Variants in FOXK2 observed in about 807,000 individuals in gnomAD.
FOXK2 encodes the protein forkhead box K2.
Under a neutral mutation model 53.3 loss-of-function variants are expected in FOXK2, and 24 were observed. That is an observed-to-expected ratio of 0.45 (90% CI 0.33 to 0.63). The LOEUF is 0.63. Ranked by LOEUF, FOXK2 falls within the 30% of genes least tolerant of loss-of-function variation. The pLI, the probability that FOXK2 is intolerant of heterozygous loss-of-function variation, is 0.03. For missense variants in FOXK2, 952 were observed against 910.5 expected (o/e 1.05, Z -0.59); for synonymous variants, 505 against 407.1 (o/e 1.24, Z -2.89).
rs1414650491 is a variant in FOXK2 at position 82,586,112 on chromosome 17, C to A, written c.1488C>A (p.Val496=). 5.6e-6 allele frequency: 9 copies of A among 1,612,674 alleles called. No homozygotes were observed. Among genetic ancestry groups the A allele is most frequent in the Non-Finnish European group, 6.8e-6 (8 of 1,179,944 alleles). ...AGLAPANTYT[V]SGQAVVTPAA... ...TGGCCCCAGCGAACACGTACACTGT[C>A]TCTGGACAAGCTGTGGTCACCCCGG... is the stretch of plus-strand genomic sequence containing the variant. Residue 496 remains valine, a synonymous_variant, in exon 7 of 9, where the codon GTC becomes GTA. Transcript: ENST00000335255.
chr17:82,588,933 C>A (rs981745667), intron 8 of FOXK2, among the ~76,000 whole-genome samples: 1 of 149,178 alleles, frequency 6.7e-6, no homozygotes, highest in African/African-American at 2.5e-5. Flanking sequence ...GTGGCGGGTG[C>A]CTGTAGTTGT....
intron 1 of FOXK2, among the ~76,000 whole-genome samples, chr17:82,541,618 C>T (rs150834116): frequency 6.6e-6 from 1 of 152,074 alleles, no homozygotes; most frequent in African/African-American, 2.4e-5. Flanking sequence ...ACTTGTGTGA[C>T]AATCAGATAT....
At chr17:82,547,097 GAGAA>G (rs948877063) in intron 1 of FOXK2, among the ~76,000 whole-genome samples, 8 of 151,200 alleles carry the variant, frequency 5.3e-5, no homozygotes, top group Non-Finnish European at 1.0e-4. Context: ...AAAAAGGAAG[GAGAA>G]AGAAAGAAAG....
chr17:82,575,583 AG>A (rs2044972869), intron 4 of FOXK2, among the ~76,000 whole-genome samples: 1 of 152,226 alleles, frequency 6.6e-6, no homozygotes, highest in African/African-American at 2.4e-5. Flanking sequence ...AGAGACTTCT[AG>A]AAACAGTGGG....
intron 1 of FOXK2, among the ~76,000 whole-genome samples, chr17:82,528,729 G>C (rs899481129): frequency 5.7e-4 from 87 of 152,332 alleles, no homozygotes; most frequent in African/African-American, 2.0e-3. Flanking sequence ...TCAGTTTAGA[G>C]TGCACATTGG....
At chr17:82,540,166 G>C (rs934558266) in intron 1 of FOXK2, among the ~76,000 whole-genome samples, 1 of 151,506 alleles carries the variant, frequency 6.6e-6, no homozygotes, top group Non-Finnish European at 1.5e-5. Context: ...CTGTAATCCT[G>C]GCTACTTGGG....
intron 8 of FOXK2, chr17:82,588,467 TGGCGGTTGGAGGGCA>T (rs1275949006): frequency 4.4e-4 from 49 of 110,392 alleles, no homozygotes; most frequent in East Asian, 1.2e-3. Context: ...GTTGGAGGGC[TGGCGGTTGGAGGGCA>T]GGCGGTTGGA....
chr17:82,596,333 G>A lies in FOXK2; in HGVS notation c.1787-4970G>A, dbSNP rs1435677706. The A allele has an allele frequency of 1.7e-5, 9 of 532,938 alleles. 1 individual carries two copies. The South Asian group carries it at 2.4e-4, about 14-fold the overall frequency. The allele number at this position is 532,938 out of a possible 1,614,324, so 33.0% of individuals were successfully genotyped here. A position where few individuals can be genotyped will look rare whatever the true frequency, so the allele number is the denominator to read the frequency against. ...GGTGGCTGCTTGTTCCCTTCTCATC[G>A]TTCCTGCTGTGTTTTCCATGCTTGG... is the stretch of plus-strand genomic sequence containing the variant. On this transcript the variant is annotated intron_variant, in intron 8 of 8. Transcript: ENST00000335255.
intron 1 of FOXK2, among the ~76,000 whole-genome samples, chr17:82,545,801 A>C (rs765058006): frequency 2.0e-5 from 3 of 151,668 alleles, no homozygotes; most frequent in Non-Finnish European, 4.4e-5. Flanking sequence ...AGGCTGGTCT[A>C]GAACTCCTGA....
chr17:82,598,388 C>G (rs1370717618), intron 8 of FOXK2, among the ~76,000 whole-genome samples: 1 of 152,202 alleles, frequency 6.6e-6, no homozygotes, highest in South Asian at 2.1e-4. Flanking sequence ...TGTGCCTGGC[C>G]TACGCCTCTT....
At chr17:82,528,105 G>C (rs2044436659) in intron 1 of FOXK2, among the ~76,000 whole-genome samples, 1 of 152,160 alleles carries the variant, frequency 6.6e-6, no homozygotes, top group African/African-American at 2.4e-5. Context: ...GCCTATACAT[G>C]TTTTCAAGTG....
chr17:82,582,695 C>G, intron 4 of FOXK2, 46 bp from the exon 5 acceptor site: 1 of 1,458,410 alleles, frequency 6.9e-7, no homozygotes, highest in Non-Finnish European at 9.2e-7. Flanking sequence ...TTTTATTTCT[C>G]AGCAAATAAA....
rs890603948 is a variant in FOXK2, at chr17:82,603,218, C to T, written c.*1719C>T. On this transcript the variant is annotated 3_prime_UTR_variant, in exon 9 of 9. Transcript: ENST00000335255. ...GACCGTGTGTGTGACCGCAGCAAAG[C>T]GCAGCGTGTGGATGGATCAGAGCCC... The T allele has an allele frequency of 6.6e-5, 10 of 152,268 alleles. No individual in the cohort carries two copies. The highest frequency in any genetic ancestry group is 3.3e-4 in the Admixed American group (5 of 15,284). The allele number at this position is 152,268 out of a possible 1,614,324, so 9.4% of individuals were successfully genotyped here. A position where few individuals can be genotyped will look rare whatever the true frequency, so the allele number is the denominator to read the frequency against.
In FOXK2 at chr17:82,603,198, T is replaced by C. The variant is rs2045406815; in HGVS notation, c.*1699T>C. On this transcript the variant is annotated 3_prime_UTR_variant, in exon 9 of 9. Coordinates refer to ENST00000335255, the MANE Select transcript of FOXK2 (RefSeq NM_004514.4). ...CAAAACCATCACGTGACTGAGACCG[T>C]GTGTGTGACCGCAGCAAAGCGCAGC... is the stretch of plus-strand genomic sequence containing the variant. The C allele has an allele frequency of 6.6e-6, 1 of 152,220 alleles. No individual in the cohort carries two copies. Among genetic ancestry groups the C allele is most frequent in the Non-Finnish European group, 1.5e-5 (1 of 68,032 alleles). The allele number at this position is 152,220 out of a possible 1,614,324, so 9.4% of individuals were successfully genotyped here.
At chr17:82,561,068 A>G (rs2044788136) in intron 1 of FOXK2, among the ~76,000 whole-genome samples, 1 of 152,216 alleles carries the variant, frequency 6.6e-6, no homozygotes, top group Admixed American at 6.5e-5. Flanking sequence ...TTTCTCCTGA[A>G]GGTGAACAAG....
At chr17:82,520,546 C>G (rs1459646474) in intron 1 of FOXK2, among the ~76,000 whole-genome samples, 4 of 152,196 alleles carry the variant, frequency 2.6e-5, no homozygotes, top group African/African-American at 9.6e-5. Flanking sequence ...TTCCCCCTTC[C>G]TGGAGCCGGG....
chr17:82,537,988 C>T (rs887157681), intron 1 of FOXK2, among the ~76,000 whole-genome samples: 2 of 151,226 alleles, frequency 1.3e-5, no homozygotes, highest in African/African-American at 4.9e-5. Context: ...CTTCTGGAGG[C>T]TGAGGCAGGT....
At chr17:82,583,060 G>A (rs2045083223) in intron 5 of FOXK2, 126 bp downstream of exon 5, 1 of 707,874 alleles carries the variant, frequency 1.4e-6, no homozygotes, top group Non-Finnish European at 2.1e-6. Flanking sequence ...GTTGGGATGG[G>A]GATTTGAGCA....
At chr17:82,586,985 GTTA>G in intron 7 of FOXK2, 75 bp from the exon 8 acceptor site, 1 of 1,332,886 alleles carries the variant, frequency 7.5e-7, no homozygotes. Flanking sequence ...TAGCTATCTG[GTTA>G]TTATGTTTTA....
Sources: gnomAD v4.1 joint callset for allele counts (sites outside exome capture counted in the v4.1 genomes callset) on GRCh38, gnomAD v4.1.1 for gene constraint, MANE v1.5 for transcripts, NCBI Gene and HGNC (gene_info 2026-07-23, HGNC 2026-07-21) for gene names.